The following STAG2 variants were observed in gnomAD, a reference collection of about 807,000 sequenced individuals.
STAG2 encodes the protein STAG2 cohesin complex component.
Under a neutral mutation model 108.1 loss-of-function variants are expected in STAG2, and 14 were observed. That is an observed-to-expected ratio of 0.13 (90% confidence interval 0.09 to 0.20). The LOEUF is 0.20. STAG2 is among the 10% of genes least tolerant of loss of function. The probability of loss-of-function intolerance (pLI) is 1.00; values close to 1 mark genes in which losing one functional copy is unlikely to be tolerated. For missense variants in STAG2, 440 were observed against 940.9 expected, an observed-to-expected ratio of 0.47 and a Z score of 6.96; for synonymous variants, 307 against 302.7, an observed-to-expected ratio of 1.01 and a Z score of -0.15.
intron 11 of STAG2, 34 bp downstream of exon 11, chrX:124,050,343 A>T: frequency 8.5e-7 from 1 of 1,174,212 alleles, no homozygotes; most frequent in Non-Finnish European, 1.1e-6. Context: ...TTCTTTCTAC[A>T]CATCGGCGTG....
At chrX:124,019,540 A>G (rs144726206) in intron 1 of STAG2, among the ~76,000 whole-genome samples, 1,530 of 111,888 alleles carry the variant, frequency 0.014, 30 homozygotes, top group African/African-American at 0.047. Context: ...AATTTTCAAC[A>G]TTTAGAGACT....
chrX:124,034,506 G>T (rs937253745), intron 5 of STAG2, among the ~76,000 whole-genome samples: 5 of 111,871 alleles, frequency 4.5e-5, no homozygotes, highest in African/African-American at 1.6e-4. Context: ...ACTTCCAAGG[G>T]TTCTTATCTA....
intron 33 of STAG2, among the ~76,000 whole-genome samples, chrX:124,094,837 A>G: frequency 8.9e-6 from 1 of 112,180 alleles, no homozygotes; most frequent in African/African-American, 3.2e-5. Context: ...TTAAATTTTT[A>G]GAATGGTATA....
intron 17 of STAG2, 36 bp from the exon 18 acceptor site, chrX:124,062,866 G>A: frequency 9.1e-7 from 1 of 1,095,004 alleles, no homozygotes; most frequent in Non-Finnish European, 1.3e-6. Flanking sequence ...AGTGCTAATG[G>A]GCTTAATAAA....
Position 123,981,045 on chromosome X carries a change from T to A in STAG2, c.-163+19189T>A, listed in dbSNP as rs554797530. ...ATAAAAATCACTTCATTTTTCTGCTTCTTGAGAGAATATTTTACAGGGAAA... is the reference window on the plus strand; with the variant it reads ...ATAAAAATCACTTCATTTTTCTGCTACTTGAGAGAATATTTTACAGGGAAA... On this transcript the variant is annotated intron_variant, in intron 1 of 34. Coordinates refer to ENST00000371145, the MANE Select transcript of STAG2 (RefSeq NM_001042750.2). Among the ~76,000 whole-genome samples, 5 of 111,576 alleles carry A rather than the reference T, an allele frequency of 4.5e-5. No individual in the cohort carries two copies. In the East Asian group the frequency reaches 1.4e-3, roughly 31 times the overall value.
chrX:123,989,697 C>T (rs984844041), intron 1 of STAG2, among the ~76,000 whole-genome samples: 1 of 107,369 alleles, frequency 9.3e-6, no homozygotes, highest in Non-Finnish European at 1.9e-5. Context: ...CTCCGCCTCC[C>T]GTGTTCAAGC....
rs776853917 is a variant in STAG2, at chrX:123,986,360, A to G, written c.-163+24504A>G. On this transcript the variant is annotated intron_variant, in intron 1 of 34. Coordinates refer to ENST00000371145, the MANE Select transcript of STAG2 (RefSeq NM_001042750.2). Reference sequence around the variant, plus strand: ...ATCTTTCTAATCTTCCATGTCTTTGATTCTGGAGATGTGTATGCTACCTGA... The same window carrying G: ...ATCTTTCTAATCTTCCATGTCTTTGGTTCTGGAGATGTGTATGCTACCTGA... 7.2e-5 allele frequency among the ~76,000 whole-genome samples: 8 copies of G among 110,656 alleles called. No individual in the cohort carries two copies. The South Asian group carries it at 3.0e-3, about 41-fold the overall frequency.
At chrX:124,000,363 T>C (rs2055971888) in intron 1 of STAG2, among the ~76,000 whole-genome samples, 2 of 111,591 alleles carry the variant, frequency 1.8e-5, no homozygotes, top group Non-Finnish European at 3.8e-5. Context: ...TATTTTAGAA[T>C]GTACTATTAC....
intron 6 of STAG2, among the ~76,000 whole-genome samples, chrX:124,040,504 G>A (rs1273958231): frequency 1.8e-5 from 2 of 110,238 alleles, no homozygotes; most frequent in Non-Finnish European, 3.8e-5. Flanking sequence ...TGCCTCAAGA[G>A]TTAAATGAAT....
intron 6 of STAG2, 67 bp downstream of exon 6, chrX:124,037,690 T>C (rs1438628566): frequency 1.7e-5 from 11 of 641,761 alleles, no homozygotes; most frequent in Admixed American, 1.1e-4. Context: ...CCTAAAGAGA[T>C]GTTGTTAGCA....
chrX:124,007,651 A>G (rs983712739), intron 1 of STAG2, among the ~76,000 whole-genome samples: 1 of 112,438 alleles, frequency 8.9e-6, no homozygotes, highest in African/African-American at 3.2e-5. Flanking sequence ...ACAACTTGGA[A>G]AAAGTGTTTC....
chrX:123,982,763 CCCT>C (rs2054947792), intron 1 of STAG2, among the ~76,000 whole-genome samples: 5 of 45,207 alleles, frequency 1.1e-4, no homozygotes, highest in Non-Finnish European at 1.8e-4. Context: ...TTTTTTTTTG[CCCT>C]TTTTTTTTTT....
chrX:124,016,019 G>A (rs1313163797), intron 1 of STAG2, among the ~76,000 whole-genome samples: 1 of 111,800 alleles, frequency 8.9e-6, no homozygotes, highest in Non-Finnish European at 1.9e-5. Flanking sequence ...ACATAATAAA[G>A]GTAATTTTAT....
At chrX:124,044,305 T>C (rs1410510244) in intron 7 of STAG2, among the ~76,000 whole-genome samples, 2 of 111,670 alleles carry the variant, frequency 1.8e-5, no homozygotes, top group African/African-American at 3.3e-5. Flanking sequence ...GTCACTAAAT[T>C]AGCCAATCAG....
At chrX:124,063,261 T>C in intron 19 of STAG2, 56 bp downstream of exon 19, 1 of 880,337 alleles carries the variant, frequency 1.1e-6, no homozygotes. Context: ...GTTCATTATA[T>C]CATAGCGTTT....
At chrX:124,089,987 C>G (rs1260271744) in intron 30 of STAG2, among the ~76,000 whole-genome samples, 1 of 108,326 alleles carries the variant, frequency 9.2e-6, no homozygotes, top group African/African-American at 3.4e-5. Context: ...GTGCTGAAAC[C>G]CTGTCTCTAC....
intron 34 of STAG2, among the ~76,000 whole-genome samples, chrX:124,098,876 G>T (rs1356319428): frequency 2.7e-5 from 3 of 111,462 alleles, no homozygotes; most frequent in African/African-American, 9.7e-5. Flanking sequence ...TAGATTTATG[G>T]TGTAGCTGGT....
rs920986110 is a variant in STAG2 at position 124,071,511 on chromosome X, T to C, written c.2533+188T>C. On this transcript the variant is annotated intron_variant, in intron 25 of 34. Transcript: ENST00000371145. Reference sequence around the variant, plus strand: ...AAAGAAAACGTGATGTTGCAGAGTATAGGCTTTCAAGTCAGATCGCTGCTT... The same window carrying C: ...AAAGAAAACGTGATGTTGCAGAGTACAGGCTTTCAAGTCAGATCGCTGCTT... Among the ~76,000 whole-genome samples, 12 of 111,673 alleles carry C rather than the reference T, an allele frequency of 1.1e-4. 1 individual carries two copies. The highest frequency in any genetic ancestry group is 2.9e-4 in the African/African-American group (9 of 30,698).
chrX:124,047,151 A>G (rs1323943391), intron 8 of STAG2, among the ~76,000 whole-genome samples: 1 of 111,689 alleles, frequency 9.0e-6, no homozygotes, highest in Non-Finnish European at 1.9e-5. Context: ...CTTACCTTTG[A>G]GAGGGCCATT....
Sources: allele counts gnomAD v4.1 joint callset (sites outside exome capture counted in the v4.1 genomes callset), GRCh38; gene constraint gnomAD v4.1.1; transcripts MANE v1.5; gene names NCBI Gene and HGNC (gene_info 2026-07-23, HGNC 2026-07-21).